Variants in TNNI3K observed in about 807,000 individuals in gnomAD.
The protein encoded by TNNI3K is serine/threonine-protein kinase TNNI3K.
A neutral mutation model predicts 114.5 loss-of-function variants in TNNI3K; 140 were observed. The observed-to-expected ratio is 1.22, with a 90% CI of 1.07 to 1.41. TNNI3K has a LOEUF of 1.41. Among genes scored for constraint, TNNI3K ranks in the 40% most tolerant of loss-of-function variants. The probability of loss-of-function intolerance (pLI) is 0.00; values close to 1 mark genes in which losing one functional copy is unlikely to be tolerated. For synonymous variants in TNNI3K, 347 were observed against 347.5 expected, an observed-to-expected ratio of 1.00 and a Z score of 0.02; for missense variants, 1,125 against 1,007.6, an observed-to-expected ratio of 1.12 and a Z score of -1.58.
At chr1:74,268,974 C>A (rs572266990) in intron 4 of TNNI3K, among the ~76,000 whole-genome samples, 13 of 152,004 alleles carry the variant, frequency 8.6e-5, no homozygotes, top group South Asian at 6.2e-4. Flanking sequence ...TTGAAAATTT[C>A]TTTTCCTTTG....
intron 20 of TNNI3K, among the ~76,000 whole-genome samples, chr1:74,452,811 C>T (rs182134): frequency 0.87 from 132,595 of 152,174 alleles, 57,879 homozygotes; most frequent in East Asian, 0.97. Flanking sequence ...ACATGCAGCC[C>T]GTCATCCAGA....
intron 11 of TNNI3K, among the ~76,000 whole-genome samples, chr1:74,360,116 T>G (rs1299201937): frequency 1.3e-5 from 2 of 151,966 alleles, no homozygotes; most frequent in Non-Finnish European, 2.9e-5. Context: ...TTACTATCAC[T>G]ATTTTAATTC....
At chr1:74,419,286 C>T (rs1383445799) in intron 17 of TNNI3K, among the ~76,000 whole-genome samples, 3 of 152,044 alleles carry the variant, frequency 2.0e-5, no homozygotes, top group East Asian at 1.9e-4. Flanking sequence ...CTTATAAGAA[C>T]ACTTGTCATT....
At chr1:74,324,933 G>A (rs1314852117) in intron 5 of TNNI3K, among the ~76,000 whole-genome samples, 2 of 152,070 alleles carry the variant, frequency 1.3e-5, no homozygotes, top group Non-Finnish European at 2.9e-5. Flanking sequence ...GTAGGAGATC[G>A]ATCAGAGTGG....
chr1:74,543,074 T>C (rs1458782182), intron 24 of TNNI3K, among the ~76,000 whole-genome samples: 17 of 125,654 alleles, frequency 1.4e-4, no homozygotes, highest in Middle Eastern at 3.7e-3. Flanking sequence ...CTTTTTTTTT[T>C]TTTTTTTTTT....
chr1:74,330,580 A>C (rs1045072698), intron 5 of TNNI3K, among the ~76,000 whole-genome samples: 1 of 152,166 alleles, frequency 6.6e-6, no homozygotes, highest in Non-Finnish European at 1.5e-5. Context: ...GGAGTTACTC[A>C]TCACTGAGTA....
intron 17 of TNNI3K, chr1:74,402,025 A>C (rs2100592442): frequency 4.1e-6 from 1 of 242,258 alleles, no homozygotes; most frequent in African/African-American, 2.3e-5. Flanking sequence ...TAATAAACTT[A>C]AGTTGGAATA....
intron 17 of TNNI3K, among the ~76,000 whole-genome samples, chr1:74,419,327 T>TGA (rs1404922402): frequency 6.6e-6 from 1 of 152,138 alleles, no homozygotes; most frequent in Non-Finnish European, 1.5e-5. Flanking sequence ...TAATCCAAGA[T>TGA]GATCTCATCT....
At chr1:74,379,308 T>C (rs1180910516) in intron 17 of TNNI3K, among the ~76,000 whole-genome samples, 1 of 141,812 alleles carries the variant, frequency 7.1e-6, no homozygotes, top group Non-Finnish European at 1.5e-5. Context: ...TCATGCACTA[T>C]ATGTCAGTAA....
At chr1:74,455,656 T>C (rs1667196890) in intron 20 of TNNI3K, among the ~76,000 whole-genome samples, 1 of 151,920 alleles carries the variant, frequency 6.6e-6, no homozygotes, top group Non-Finnish European at 1.5e-5. Flanking sequence ...ATCAGGAGGG[T>C]CACCACTGTA....
chr1:74,256,053 C>G (rs1655270418), intron 4 of TNNI3K, among the ~76,000 whole-genome samples: 1 of 152,112 alleles, frequency 6.6e-6, no homozygotes, highest in Non-Finnish European at 1.5e-5. Context: ...CCATTATAAA[C>G]AAAGCTGTTC....
At chr1:74,500,381 C>T (rs1669550326) in intron 23 of TNNI3K, among the ~76,000 whole-genome samples, 1 of 151,504 alleles carries the variant, frequency 6.6e-6, no homozygotes, top group Admixed American at 6.6e-5. Context: ...GCGGGCGGAT[C>T]ACGAGGTCAG....
chr1:74,491,102 A>G (rs1353818561), intron 22 of TNNI3K, among the ~76,000 whole-genome samples: 1 of 152,242 alleles, frequency 6.6e-6, no homozygotes, highest in Non-Finnish European at 1.5e-5. Context: ...TACACATTTT[A>G]GAAGAGAGAG....
chr1:74,522,558 G>T (rs1422135238), intron 23 of TNNI3K, among the ~76,000 whole-genome samples: 5 of 152,004 alleles, frequency 3.3e-5, no homozygotes, highest in Non-Finnish European at 7.4e-5. Context: ...TTAAAAAGTA[G>T]CATGAAAAAG....
At chr1:74,390,577 A>G (rs921923464) in intron 17 of TNNI3K, among the ~76,000 whole-genome samples, 11 of 152,156 alleles carry the variant, frequency 7.2e-5, no homozygotes, top group African/African-American at 2.7e-4. Context: ...TGCACCTACT[A>G]TCTACCAGGC....
intron 17 of TNNI3K, among the ~76,000 whole-genome samples, chr1:74,405,838 AC>A (rs1664587344): frequency 6.6e-6 from 1 of 152,222 alleles, no homozygotes; most frequent in South Asian, 2.1e-4. Context: ...TCGGTTGAAT[AC>A]TAATCTGAAA....
chr1:74,530,992 A>G (rs772067097), intron 23 of TNNI3K, among the ~76,000 whole-genome samples: 48 of 152,188 alleles, frequency 3.2e-4, no homozygotes, highest in Admixed American at 1.2e-3. Flanking sequence ...TTCCTTATTC[A>G]TAATTCTTTG....
intron 17 of TNNI3K, among the ~76,000 whole-genome samples, chr1:74,377,855 T>C (rs1310694315): frequency 6.6e-6 from 1 of 152,058 alleles, no homozygotes; most frequent in Non-Finnish European, 1.5e-5. Flanking sequence ...TTCTGTGCCA[T>C]GGGTACCATG....
intron 23 of TNNI3K, among the ~76,000 whole-genome samples, chr1:74,531,878 A>G (rs1646590937): frequency 6.6e-6 from 1 of 152,212 alleles, no homozygotes; most frequent in South Asian, 2.1e-4. Context: ...GACGGCAATA[A>G]ACCACAAAAC....
Sources: allele counts gnomAD v4.1 joint callset (sites outside exome capture counted in the v4.1 genomes callset), GRCh38; gene constraint gnomAD v4.1.1; transcripts MANE v1.5; gene names NCBI Gene and HGNC (gene_info 2026-07-23, HGNC 2026-07-21).